The following CDKAL1 variants were observed in gnomAD, a reference collection of about 807,000 sequenced individuals.
The protein encoded by CDKAL1 is threonylcarbamoyladenosine tRNA methylthiotransferase.
In CDKAL1, 32 loss-of-function variants were observed where a neutral mutation model predicts 68.2. The ratio of observed to expected loss-of-function variants is 0.47; its 90% confidence interval spans 0.35 to 0.63. The LOEUF is 0.63. CDKAL1 is among the 30% of genes least tolerant of loss of function. The pLI is 0.00. For missense variants in CDKAL1, 606 were observed against 696.7 expected (o/e 0.87, Z 1.47); for synonymous variants, 234 against 244.3 (o/e 0.96, Z 0.39).
intron 11 of CDKAL1, among the ~76,000 whole-genome samples, chr6:21,032,702 A>G (rs2150880819): frequency 6.6e-6 from 1 of 152,238 alleles, no homozygotes; most frequent in African/African-American, 2.4e-5. Context: ...TGCAGTGTTC[A>G]GTATAGTAAC....
In CDKAL1 at chr6:21,035,969, GCA is replaced by G. The variant is rs1769562337; in HGVS notation, c.1056-29076_1056-29075del. On this transcript the variant is annotated intron_variant, in intron 11 of 15. Transcript: ENST00000274695. ...GGTTAGATGGAAGCGCCACTCAATT[GCA>G]CAGTTAAATGGATTTTTAAATATTA... 2.6e-5 allele frequency among the ~76,000 whole-genome samples: 4 copies of G among 152,236 alleles called. No individual in the cohort carries two copies. In the South Asian group the frequency reaches 8.3e-4, roughly 32 times the overall value.
intron 11 of CDKAL1, among the ~76,000 whole-genome samples, chr6:21,060,550 A>G (rs1216512071): frequency 1.3e-5 from 2 of 150,218 alleles, no homozygotes; most frequent in African/African-American, 2.4e-5. Flanking sequence ...TACCTTTATT[A>G]TTTTCTTTAT....
At chr6:21,137,362 A>G (rs555679646) in intron 13 of CDKAL1, among the ~76,000 whole-genome samples, 12 of 152,194 alleles carry the variant, frequency 7.9e-5, no homozygotes, top group Non-Finnish European at 1.5e-4. Context: ...ACTTATTTAC[A>G]GTTTGTACTT....
intron 8 of CDKAL1, among the ~76,000 whole-genome samples, chr6:20,834,831 G>T (rs1378414477): frequency 6.6e-6 from 1 of 152,160 alleles, no homozygotes; most frequent in African/African-American, 2.4e-5. Flanking sequence ...CATTATGGAT[G>T]AGGACAGGAA....
intron 12 of CDKAL1, among the ~76,000 whole-genome samples, chr6:21,066,030 T>G (rs1189416988): frequency 1.3e-5 from 2 of 151,694 alleles, no homozygotes; most frequent in East Asian, 2.0e-4. Context: ...TTTTAAAAAA[T>G]TATGCCCTGT....
At chr6:20,939,647 TA>T (rs1386833716) in intron 9 of CDKAL1, among the ~76,000 whole-genome samples, 6 of 152,188 alleles carry the variant, frequency 3.9e-5, no homozygotes, top group African/African-American at 1.4e-4. Flanking sequence ...TAAATCCTTG[TA>T]AGTAAATGCC....
chr6:20,879,290 A>C (rs1435981998), intron 9 of CDKAL1, among the ~76,000 whole-genome samples: 1 of 152,138 alleles, frequency 6.6e-6, no homozygotes, highest in African/African-American at 2.4e-5. Context: ...AGAGTGAGGA[A>C]GAGGCAGTAA....
chr6:20,903,015 T>C (rs924893884), intron 9 of CDKAL1, among the ~76,000 whole-genome samples: 4 of 152,104 alleles, frequency 2.6e-5, no homozygotes, highest in Non-Finnish European at 4.4e-5. Context: ...AAGTTGCCAG[T>C]TTTTTGAGGG....
chr6:20,672,937 C>T (rs1171639244), intron 5 of CDKAL1, among the ~76,000 whole-genome samples: 3 of 151,982 alleles, frequency 2.0e-5, no homozygotes, highest in Non-Finnish European at 4.4e-5. Context: ...CTACCATGCC[C>T]AGCTAATTTT....
chr6:21,030,863 C>G (rs967479202), intron 11 of CDKAL1, among the ~76,000 whole-genome samples: 3 of 152,148 alleles, frequency 2.0e-5, no homozygotes, highest in Non-Finnish European at 4.4e-5. Flanking sequence ...TTGATTGATT[C>G]ACTCTTCTGG....
chr6:20,785,048 C>T (rs1775610249), intron 8 of CDKAL1, among the ~76,000 whole-genome samples: 1 of 152,112 alleles, frequency 6.6e-6, no homozygotes, highest in African/African-American at 2.4e-5. Flanking sequence ...TGAAAGCTCA[C>T]TGGATTTGGC....
At chr6:20,892,916 C>G (rs1761483995) in intron 9 of CDKAL1, among the ~76,000 whole-genome samples, 1 of 152,210 alleles carries the variant, frequency 6.6e-6, no homozygotes, top group Admixed American at 6.5e-5. Flanking sequence ...ACCTCCTGGT[C>G]TTTCACTAAA....
intron 11 of CDKAL1, among the ~76,000 whole-genome samples, chr6:21,059,695 A>T (rs189369965): frequency 7.4e-4 from 111 of 149,386 alleles, no homozygotes; most frequent in Middle Eastern, 7.0e-3. Context: ...CACCCTTTTC[A>T]TTCTTCACGG....
At chr6:21,161,586 A>G (rs1356042369) in intron 13 of CDKAL1, among the ~76,000 whole-genome samples, 1 of 152,154 alleles carries the variant, frequency 6.6e-6, no homozygotes, top group Non-Finnish European at 1.5e-5. Context: ...CACTTAATAT[A>G]TTTATAGGGG....
chr6:20,915,799 CAT>C (rs1762697398), intron 9 of CDKAL1, among the ~76,000 whole-genome samples: 1 of 152,096 alleles, frequency 6.6e-6, no homozygotes, highest in Non-Finnish European at 1.5e-5. Context: ...GGAAATAACC[CAT>C]ATGTCTTTCA....
At chr6:21,082,304 T>C (rs1772448853) in intron 12 of CDKAL1, among the ~76,000 whole-genome samples, 1 of 151,964 alleles carries the variant, frequency 6.6e-6, no homozygotes, top group Non-Finnish European at 1.5e-5. Flanking sequence ...TGTTTGGATG[T>C]TAATATGTGC....
intron 12 of CDKAL1, among the ~76,000 whole-genome samples, chr6:21,093,250 A>G (rs1773138376): frequency 6.6e-6 from 1 of 152,202 alleles, no homozygotes. Context: ...GCACCCAGAG[A>G]AGAAATGAGT....
At chr6:20,721,723 C>CTTTTTTT (rs1562052673) in intron 5 of CDKAL1, among the ~76,000 whole-genome samples, 1 of 107,912 alleles carries the variant, frequency 9.3e-6, no homozygotes, top group Admixed American at 1.0e-4. Context: ...TGACCAACTT[C>CTTTTTTT]TGTTTTTTTT....
chr6:20,576,510 A>AT (rs1430128151), intron 4 of CDKAL1, among the ~76,000 whole-genome samples: 2 of 152,170 alleles, frequency 1.3e-5, no homozygotes, highest in South Asian at 2.1e-4. Flanking sequence ...GTTTTATGAG[A>AT]TTTTGTGGTA....
Sources: allele counts gnomAD v4.1 joint callset (sites outside exome capture counted in the v4.1 genomes callset), GRCh38; gene constraint gnomAD v4.1.1; transcripts MANE v1.5; gene names NCBI Gene and HGNC (gene_info 2026-07-23, HGNC 2026-07-21).